Variants in MECOM observed in about 807,000 individuals in gnomAD.
The protein encoded by MECOM is histone-lysine N-methyltransferase MECOM.
MECOM carries 13 observed loss-of-function variants against 116.3 expected under a neutral mutation model. The observed-to-expected ratio is 0.11, with a 90% CI of 0.07 to 0.18. The LOEUF (loss-of-function observed/expected upper bound fraction) is 0.18. Among genes scored for constraint, MECOM ranks in the 10% least tolerant of loss-of-function variants. The pLI, the probability that MECOM is intolerant of heterozygous loss-of-function variation, is 1.00. For synonymous variants in MECOM, 528 were observed against 535.2 expected, an observed-to-expected ratio of 0.99 and a Z score of 0.19; for missense variants, 1,299 against 1,509.0, an observed-to-expected ratio of 0.86 and a Z score of 2.31.
chr3:169,134,586 C>T lies in MECOM; in HGVS notation c.511-3055G>A, dbSNP rs144724059. Among the ~76,000 whole-genome samples, 175 of 152,278 alleles carry T rather than the reference C, an allele frequency of 1.1e-3. 1 individual carries two copies. The highest frequency in any genetic ancestry group is 4.0e-3 in the African/African-American group (168 of 41,560). ...CCCATATAGCAATAAGAATGTCCCTCGAAGTTCCATTTGCCATACCCTTAC... is the reference window on the plus strand; with the variant it reads ...CCCATATAGCAATAAGAATGTCCCTTGAAGTTCCATTTGCCATACCCTTAC... On this transcript the variant is annotated intron_variant, in intron 3 of 16. Transcript: ENST00000651503.
At chr3:169,139,519 G>A (rs1737443568) in intron 3 of MECOM, among the ~76,000 whole-genome samples, 1 of 152,060 alleles carries the variant, frequency 6.6e-6, no homozygotes, top group Non-Finnish European at 1.5e-5. Context: ...AGTCTAAAAA[G>A]TCAACTTACA....
chr3:169,634,095 G>T (rs1276523769), intron 1 of MECOM, among the ~76,000 whole-genome samples: 1 of 152,072 alleles, frequency 6.6e-6, no homozygotes, highest in African/African-American at 2.4e-5. Flanking sequence ...GCACTGAGAT[G>T]CTCCTGAACC....
At chr3:169,626,932 C>T (rs1771453861) in intron 1 of MECOM, among the ~76,000 whole-genome samples, 1 of 151,992 alleles carries the variant, frequency 6.6e-6, no homozygotes, top group Admixed American at 6.6e-5. Context: ...ACATCTTACC[C>T]CAGTGAGTAC....
chr3:169,097,295 T>C (rs1009587378), intron 12 of MECOM, among the ~76,000 whole-genome samples: 5 of 152,108 alleles, frequency 3.3e-5, no homozygotes, highest in South Asian at 2.1e-4. Context: ...TTCTAACCAA[T>C]GATCAGTTGT....
chr3:169,630,420 T>G (rs1771941658), intron 1 of MECOM, among the ~76,000 whole-genome samples: 1 of 147,006 alleles, frequency 6.8e-6, no homozygotes, highest in African/African-American at 2.5e-5. Context: ...AAAGAGCTAC[T>G]ATTCTGGAAA....
chr3:169,569,060 A>T (rs1428487176), intron 1 of MECOM, among the ~76,000 whole-genome samples: 2 of 152,172 alleles, frequency 1.3e-5, no homozygotes, highest in Non-Finnish European at 2.9e-5. Context: ...TTGGGTAAAG[A>T]GTCAAGACCC....
intron 2 of MECOM, among the ~76,000 whole-genome samples, chr3:169,353,290 T>C (rs906888462): frequency 1.3e-5 from 2 of 151,924 alleles, no homozygotes; most frequent in African/African-American, 4.8e-5. Context: ...GTGAATCAAC[T>C]ACTTCATCAA....
At chr3:169,103,573 G>C (rs1724321813) in intron 10 of MECOM, among the ~76,000 whole-genome samples, 1 of 152,196 alleles carries the variant, frequency 6.6e-6, no homozygotes, top group Admixed American at 6.6e-5. Context: ...TAAGAACTGA[G>C]ATGATCACTG....
chr3:169,547,098 A>C (rs1760808590), intron 1 of MECOM, among the ~76,000 whole-genome samples: 1 of 152,172 alleles, frequency 6.6e-6, no homozygotes, highest in Non-Finnish European at 1.5e-5. Flanking sequence ...TGTAATCCCC[A>C]GTGTTGAGGG....
At chr3:169,243,040 C>A (rs1755091248) in intron 2 of MECOM, among the ~76,000 whole-genome samples, 1 of 152,084 alleles carries the variant, frequency 6.6e-6, no homozygotes, top group Non-Finnish European at 1.5e-5. Context: ...ATCTAGAATG[C>A]AAACCTACAT....
chr3:169,607,943 C>T (rs1768795827), intron 1 of MECOM, among the ~76,000 whole-genome samples: 1 of 152,188 alleles, frequency 6.6e-6, no homozygotes, highest in Non-Finnish European at 1.5e-5. Flanking sequence ...GGCAAATCTC[C>T]ATTCTTTTCA....
At chr3:169,555,311 CTCGGGGAT>C (rs1216665756) in intron 1 of MECOM, among the ~76,000 whole-genome samples, 1 of 152,018 alleles carries the variant, frequency 6.6e-6, no homozygotes, top group Admixed American at 6.6e-5. Context: ...AGTCTTTTCC[CTCGGGGAT>C]TTCACAGTCT....
chr3:169,095,603 A>T (rs1254458696), intron 12 of MECOM, among the ~76,000 whole-genome samples: 1 of 152,226 alleles, frequency 6.6e-6, no homozygotes, highest in African/African-American at 2.4e-5. Flanking sequence ...AAACAAACAA[A>T]AAACATTCAT....
At chr3:169,536,719 C>T (rs1759411317) in intron 1 of MECOM, among the ~76,000 whole-genome samples, 1 of 152,152 alleles carries the variant, frequency 6.6e-6, no homozygotes, top group Non-Finnish European at 1.5e-5. Context: ...TGCCCAACCT[C>T]ATGCTTCAAG....
intron 1 of MECOM, among the ~76,000 whole-genome samples, chr3:169,594,345 AT>A (rs1374203431): frequency 6.6e-6 from 1 of 151,652 alleles, no homozygotes; most frequent in Non-Finnish European, 1.5e-5. Context: ...CATTCTTCTA[AT>A]TTTTTTTCTT....
At chr3:169,578,795 A>G (rs944167907) in intron 1 of MECOM, among the ~76,000 whole-genome samples, 1 of 152,174 alleles carries the variant, frequency 6.6e-6, no homozygotes, top group Non-Finnish European at 1.5e-5. Context: ...TGATCTCAGC[A>G]TGTCACTTTG....
chr3:169,413,339 T>A (rs769699055), intron 1 of MECOM, among the ~76,000 whole-genome samples: 1 of 152,172 alleles, frequency 6.6e-6, no homozygotes, highest in African/African-American at 2.4e-5. Flanking sequence ...ACTATGCTTT[T>A]CCCACAGTCT....
chr3:169,188,208 TCTAA>T (rs1418265468), intron 2 of MECOM, among the ~76,000 whole-genome samples: 1 of 152,078 alleles, frequency 6.6e-6, no homozygotes, highest in Non-Finnish European at 1.5e-5. Flanking sequence ...ATGCCAAGAC[TCTAA>T]CTATTAATAT....
chr3:169,558,463 A>G (rs995051290), intron 1 of MECOM, among the ~76,000 whole-genome samples: 14 of 152,168 alleles, frequency 9.2e-5, no homozygotes, highest in South Asian at 2.1e-4. Context: ...ACCTTTTCCT[A>G]TAAAACTCTA....
Sources: allele counts gnomAD v4.1 joint callset (sites outside exome capture counted in the v4.1 genomes callset), GRCh38; gene constraint gnomAD v4.1.1; transcripts MANE v1.5; gene names NCBI Gene and HGNC (gene_info 2026-07-23, HGNC 2026-07-21).